The following PKP4 variants were observed in gnomAD, a reference collection of about 807,000 sequenced individuals.
PKP4 encodes the protein plakophilin-4.
In PKP4, 90 loss-of-function variants were observed where a neutral mutation model predicts 145.1. That is an observed-to-expected ratio of 0.62 (90% confidence interval 0.52 to 0.74). PKP4 has a LOEUF of 0.74. Ranked by LOEUF, PKP4 falls within the 30% of genes least tolerant of loss-of-function variation. PKP4 has a pLI of 0.00. For missense variants in PKP4, 1,340 were observed against 1,482.7 expected, an observed-to-expected ratio of 0.90 and a Z score of 1.58; for synonymous variants, 563 against 577.2, an observed-to-expected ratio of 0.98 and a Z score of 0.35.
chr2:158,626,153 T>G (rs1350054030), intron 7 of PKP4, among the ~76,000 whole-genome samples: 2 of 152,310 alleles, frequency 1.3e-5, no homozygotes, highest in East Asian at 1.9e-4. Flanking sequence ...TATGGGAAAA[T>G]ATTGAAATAA....
intron 9 of PKP4, among the ~76,000 whole-genome samples, chr2:158,636,587 ATTCT>A (rs2053828738): frequency 6.6e-6 from 1 of 152,022 alleles, no homozygotes; most frequent in South Asian, 2.1e-4. Context: ...TCAGCCATTA[ATTCT>A]TTAAGTTTTT....
chr2:158,495,660 C>G (rs898453724), intron 1 of PKP4, among the ~76,000 whole-genome samples: 1 of 151,802 alleles, frequency 6.6e-6, no homozygotes, highest in African/African-American at 2.4e-5. Context: ...ATGGTGAAAC[C>G]TCGACTCTAC....
At chr2:158,674,108 C>G in intron 19 of PKP4, 108 bp downstream of exon 19, 1 of 769,658 alleles carries the variant, frequency 1.3e-6, no homozygotes, top group Middle Eastern at 2.3e-4. Context: ...ATCTCCAACA[C>G]TACCCATGCA....
intron 7 of PKP4, among the ~76,000 whole-genome samples, chr2:158,628,700 T>C (rs559099723): frequency 1.1e-4 from 17 of 152,378 alleles, no homozygotes; most frequent in Admixed American, 1.0e-3. Flanking sequence ...TCATAGTCTG[T>C]GCTTACAAAA....
chr2:158,658,570 A>C (rs911897597), intron 12 of PKP4: 3 of 339,666 alleles, frequency 8.8e-6, no homozygotes, highest in African/African-American at 2.1e-5. Context: ...ATTACTGCCA[A>C]AATTCCAGTG....
At chr2:158,641,959 T>G (rs2054323001) in intron 10 of PKP4, among the ~76,000 whole-genome samples, 1 of 152,142 alleles carries the variant, frequency 6.6e-6, no homozygotes, top group South Asian at 2.1e-4. Context: ...ATCTCCTATC[T>G]TTTTTTGAAG....
intron 1 of PKP4, among the ~76,000 whole-genome samples, chr2:158,480,545 T>G (rs566815850): frequency 7.8e-4 from 118 of 151,762 alleles, no homozygotes; most frequent in African/African-American, 2.7e-3. Context: ...CCTCTGGGAT[T>G]CTTTTTTTTT....
chr2:158,470,504 C>T (rs1390457444), intron 1 of PKP4, among the ~76,000 whole-genome samples: 2 of 152,048 alleles, frequency 1.3e-5, no homozygotes, highest in African/African-American at 2.4e-5. Flanking sequence ...AGAAAGAAAG[C>T]GCAGAGATCC....
At chr2:158,629,369 G>A (rs904026782) in intron 7 of PKP4, among the ~76,000 whole-genome samples, 3 of 152,180 alleles carry the variant, frequency 2.0e-5, no homozygotes, top group African/African-American at 7.2e-5. Context: ...AGCTCGGCAA[G>A]GAAGTAGCTC....
intron 11 of PKP4, among the ~76,000 whole-genome samples, chr2:158,650,633 A>AGTTCCT (rs2055273070): frequency 1.3e-5 from 2 of 152,202 alleles, no homozygotes; most frequent in South Asian, 4.1e-4. Context: ...TGACCAGCCC[A>AGTTCCT]GTTCCTTACT....
At chr2:158,609,341 A>C (rs943714527) in intron 4 of PKP4, among the ~76,000 whole-genome samples, 2 of 152,176 alleles carry the variant, frequency 1.3e-5, no homozygotes, top group Admixed American at 1.3e-4. Flanking sequence ...AAATTTGAAA[A>C]ATATTTAAAA....
At chr2:158,641,678 T>TG (rs1457878346) in intron 10 of PKP4, among the ~76,000 whole-genome samples, 4 of 152,230 alleles carry the variant, frequency 2.6e-5, no homozygotes, top group Non-Finnish European at 5.9e-5. Flanking sequence ...AAAGTGAATG[T>TG]AGTACATAAA....
intron 2 of PKP4, among the ~76,000 whole-genome samples, chr2:158,568,110 G>A (rs2047142763): frequency 6.6e-6 from 1 of 152,190 alleles, no homozygotes; most frequent in Admixed American, 6.5e-5. Context: ...CGAGGCAGCA[G>A]ATCACCTGAG....
intron 1 of PKP4, among the ~76,000 whole-genome samples, chr2:158,490,953 G>A (rs977144723): frequency 6.6e-6 from 1 of 152,142 alleles, no homozygotes; most frequent in Non-Finnish European, 1.5e-5. Flanking sequence ...CATTTCTAAT[G>A]TGTTTAGTGT....
chr2:158,478,107 G>T (rs1214918120), intron 1 of PKP4, among the ~76,000 whole-genome samples: 1 of 152,014 alleles, frequency 6.6e-6, no homozygotes, highest in Non-Finnish European at 1.5e-5. Flanking sequence ...GTTTTGAAAG[G>T]GTGTGGTTTG....
intron 11 of PKP4, 130 bp downstream of exon 11, chr2:158,642,829 A>G: frequency 3.7e-6 from 2 of 538,460 alleles, no homozygotes; most frequent in Non-Finnish European, 3.2e-6. Context: ...TAGTGCTCAC[A>G]ACTGTGAAGG....
chr2:158,611,264 G>T (rs2051121437), intron 4 of PKP4, among the ~76,000 whole-genome samples: 1 of 152,142 alleles, frequency 6.6e-6, no homozygotes, highest in Non-Finnish European at 1.5e-5. Context: ...TTGTATAACA[G>T]GTATTGAAGT....
intron 1 of PKP4, among the ~76,000 whole-genome samples, chr2:158,520,152 C>G (rs114429976): frequency 2.0e-5 from 3 of 152,122 alleles, no homozygotes; most frequent in Admixed American, 6.5e-5. Context: ...GCAGTGCTTT[C>G]CTTGTGTTAT....
chr2:158,535,473 C>G (rs1369136893), intron 2 of PKP4, among the ~76,000 whole-genome samples: 1 of 152,104 alleles, frequency 6.6e-6, no homozygotes, highest in East Asian at 1.9e-4. Context: ...ACAGTGTCAC[C>G]TTCTTAGCTC....
Sources: gnomAD v4.1 joint callset for allele counts (sites outside exome capture counted in the v4.1 genomes callset) on GRCh38, gnomAD v4.1.1 for gene constraint, MANE v1.5 for transcripts, NCBI Gene and HGNC (gene_info 2026-07-23, HGNC 2026-07-21) for gene names.